NT5DC1: variants seen among roughly 807,000 people sequenced by gnomAD.
NT5DC1 encodes 5'-nucleotidase domain containing 1.
A neutral mutation model predicts 59.4 loss-of-function variants in NT5DC1; 42 were observed. The ratio of observed to expected loss-of-function variants is 0.71; its 90% CI spans 0.55 to 0.92. The LOEUF is 0.92. Ranked by LOEUF, NT5DC1 falls within the 40% of genes least tolerant of loss-of-function variation. NT5DC1 has a pLI of 0.00. For synonymous variants in NT5DC1, 172 were observed against 188.1 expected (o/e 0.91, Z 0.70); for missense variants, 501 against 537.1 (o/e 0.93, Z 0.66).
chr6:116,221,923 AC>A (rs144333042), intron 7 of NT5DC1, among the ~76,000 whole-genome samples: 1,755 of 152,290 alleles, frequency 0.012, 33 homozygotes, highest in African/African-American at 0.04. Context: ...TGTGGGAAAT[AC>A]CAGGAAATGT....
chr6:116,227,828 G>C (rs1315228431), intron 8 of NT5DC1, among the ~76,000 whole-genome samples: 1 of 152,012 alleles, frequency 6.6e-6, no homozygotes, highest in Non-Finnish European at 1.5e-5. Flanking sequence ...CCTTACTATT[G>C]AGATGAGTTC....
In NT5DC1 at chr6:116,121,700, C is replaced by T. The variant is rs747086933; in HGVS notation, c.529+3755C>T. 6.8e-6 allele frequency: 11 copies of T among 1,613,598 alleles called. No individual in the cohort carries two copies. The Admixed American group carries it at 1.8e-4, about 27-fold the overall frequency. On this transcript the variant is annotated intron_variant, in intron 6 of 11. Coordinates refer to ENST00000319550, the MANE Select transcript of NT5DC1 (RefSeq NM_152729.3). ...AGGGATTCCAGGTGGTCCTGGTGGG[C>T]CCCGGGGTCCTGGTAGGCCAGCTGG...
chr6:116,246,311 T>C lies in NT5DC1; in HGVS notation c.*2287T>C, dbSNP rs1396169092. 2.6e-5 allele frequency: 4 copies of C among 152,094 alleles called. No individual in the cohort carries two copies. Among genetic ancestry groups the C allele is most frequent in the African/African-American group, 4.8e-5 (2 of 41,444 alleles). The allele number at this position is 152,094 out of a possible 1,614,324, so 9.4% of individuals were successfully genotyped here. On this transcript the variant is annotated 3_prime_UTR_variant, in exon 12 of 12. Transcript: ENST00000319550. ...AGATCTGAATGACTCAGTGACCAAATGTTTTGTCAGAATCTGGTATTTGGA... is the reference window on the plus strand; with the variant it reads ...AGATCTGAATGACTCAGTGACCAAACGTTTTGTCAGAATCTGGTATTTGGA...
chr6:116,126,693 A>G (rs1277619293), intron 6 of NT5DC1, among the ~76,000 whole-genome samples: 2 of 152,244 alleles, frequency 1.3e-5, no homozygotes, highest in African/African-American at 2.4e-5. Context: ...ATATTCAGTA[A>G]ATGACTTCAG....
At chr6:116,127,038 G>A (rs892865604) in intron 6 of NT5DC1, among the ~76,000 whole-genome samples, 2 of 152,118 alleles carry the variant, frequency 1.3e-5, no homozygotes, top group African/African-American at 2.4e-5. Flanking sequence ...GAAGTTGAGA[G>A]TCCAAATTTT....
At chr6:116,237,701 C>T in intron 9 of NT5DC1, 1 of 320,766 alleles carries the variant, frequency 3.1e-6, no homozygotes, top group Non-Finnish European at 6.2e-6. Flanking sequence ...GGGAACTTTC[C>T]AGATTCAACA....
chr6:116,105,224 A>G (rs1173626641), intron 1 of NT5DC1, among the ~76,000 whole-genome samples: 1 of 152,100 alleles, frequency 6.6e-6, no homozygotes, highest in East Asian at 1.9e-4. Flanking sequence ...CAGGCCCCTC[A>G]GTTTCTGAAC....
intron 6 of NT5DC1, among the ~76,000 whole-genome samples, chr6:116,213,251 TG>T (rs1781617084): frequency 6.6e-6 from 1 of 152,122 alleles, no homozygotes; most frequent in African/African-American, 2.4e-5. Flanking sequence ...ATGACTGGGC[TG>T]GATGTCCAAG....
chr6:116,125,099 A>G (rs1394043502), intron 6 of NT5DC1, among the ~76,000 whole-genome samples: 1 of 152,248 alleles, frequency 6.6e-6, no homozygotes. Flanking sequence ...TGTACACACA[A>G]AAGTTCTGAT....
At chr6:116,219,990 C>A (rs1355562037) in intron 6 of NT5DC1, among the ~76,000 whole-genome samples, 4 of 140,498 alleles carry the variant, frequency 2.8e-5, no homozygotes, top group Non-Finnish European at 4.6e-5. Context: ...AAAAACAACT[C>A]TTCTTCCTGA....
At chr6:116,134,024 C>T (rs907692874) in intron 6 of NT5DC1, among the ~76,000 whole-genome samples, 2 of 152,078 alleles carry the variant, frequency 1.3e-5, no homozygotes, top group Non-Finnish European at 2.9e-5. Flanking sequence ...GCTAATCAGG[C>T]GGAAGTTTAG....
chr6:116,217,875 CCTTGA>C (rs1214290045), intron 6 of NT5DC1, among the ~76,000 whole-genome samples: 2 of 152,040 alleles, frequency 1.3e-5, no homozygotes, highest in East Asian at 1.9e-4. Flanking sequence ...TGATTTAATA[CCTTGA>C]CTTATTTCAA....
At chr6:116,214,054 A>G (rs561727941) in intron 6 of NT5DC1, among the ~76,000 whole-genome samples, 21 of 152,214 alleles carry the variant, frequency 1.4e-4, no homozygotes, top group African/African-American at 5.1e-4. Context: ...ATGAGATTTT[A>G]TAGGTGAAGA....
intron 6 of NT5DC1, among the ~76,000 whole-genome samples, chr6:116,136,352 G>T (rs962266477): frequency 1.3e-5 from 2 of 151,902 alleles, no homozygotes; most frequent in Admixed American, 1.3e-4. Context: ...GGACAAGGGG[G>T]CTGACACCTG....
rs747480475 is a variant in NT5DC1 at position 116,106,357 on chromosome 6, T to G, written c.185+22T>G. The G allele has an allele frequency of 7.0e-6, 8 of 1,149,488 alleles. No homozygotes were observed. The East Asian group carries it at 1.9e-4, about 27-fold the overall frequency. The allele number at this position is 1,149,488 out of a possible 1,614,324, so 71.2% of individuals were successfully genotyped here. A position where few individuals can be genotyped will look rare whatever the true frequency, so the allele number is the denominator to read the frequency against. ...TCTGGTAAGTTCTTTTTTTTTTTTT[T>G]TTTTTAAGTCTGTACATTTCCTGTG... On this transcript the variant is annotated intron_variant, in intron 2 of 11. Coordinates refer to ENST00000319550, the MANE Select transcript of NT5DC1 (RefSeq NM_152729.3).
intron 6 of NT5DC1, among the ~76,000 whole-genome samples, chr6:116,218,817 G>A (rs1327969576): frequency 6.7e-6 from 1 of 149,822 alleles, no homozygotes; most frequent in East Asian, 1.9e-4. Flanking sequence ...TGTTAGTTTT[G>A]GTCTGGTTAT....
At chr6:116,186,345 T>C (rs1360729055) in intron 6 of NT5DC1, among the ~76,000 whole-genome samples, 2 of 151,682 alleles carry the variant, frequency 1.3e-5, no homozygotes, top group Admixed American at 6.6e-5. Flanking sequence ...CTGGTGACTG[T>C]GTGCCTAGGT....
chr6:116,196,862 G>T (rs748904307), intron 6 of NT5DC1, among the ~76,000 whole-genome samples: 2 of 151,678 alleles, frequency 1.3e-5, no homozygotes, highest in Non-Finnish European at 1.5e-5. Context: ...TTCTTCATTA[G>T]ACAGGGAAAG....
At chr6:116,121,172 A>G in intron 6 of NT5DC1, 2 of 1,613,000 alleles carry the variant, frequency 1.2e-6, no homozygotes, top group Non-Finnish European at 1.7e-6. Context: ...ACCCCCAGGA[A>G]GGCCAGCAGG....
Sources: allele counts gnomAD v4.1 joint callset (sites outside exome capture counted in the v4.1 genomes callset), GRCh38; gene constraint gnomAD v4.1.1; transcripts MANE v1.5; gene names NCBI Gene and HGNC (gene_info 2026-07-23, HGNC 2026-07-21).